CNBD1: variants seen among roughly 807,000 people sequenced by gnomAD.
CNBD1 encodes the protein cyclic nucleotide binding domain containing 1.
A neutral mutation model predicts 54.4 loss-of-function variants in CNBD1; 71 were observed. That is an observed-to-expected ratio of 1.30 (90% CI 1.08 to 1.59). The LOEUF (loss-of-function observed/expected upper bound fraction) is 1.59, where lower values mean the gene tolerates loss of function less well. Among genes scored for constraint, CNBD1 ranks in the 40% most tolerant of loss-of-function variants. The pLI is 0.00. For missense variants in CNBD1, 659 were observed against 518.0 expected, an observed-to-expected ratio of 1.27 and a Z score of -2.64; for synonymous variants, 182 against 170.7, an observed-to-expected ratio of 1.07 and a Z score of -0.51.
chr8:86,970,268 T>A (rs1362483446), intron 4 of CNBD1, among the ~76,000 whole-genome samples: 1 of 152,184 alleles, frequency 6.6e-6, no homozygotes, highest in Non-Finnish European at 1.5e-5. Flanking sequence ...TCCCTACTCC[T>A]TCTGGAATTT....
chr8:87,385,237 G>T (rs372764079), downstream of CNBD1, among the ~76,000 whole-genome samples: 9 of 152,222 alleles, frequency 5.9e-5, no homozygotes, highest in East Asian at 1.6e-3. Flanking sequence ...CTGAGCTACC[G>T]GGTTCATCTC....
At chr8:87,372,015 G>C (rs1021443043) in intron 10 of CNBD1, among the ~76,000 whole-genome samples, 1 of 151,884 alleles carries the variant, frequency 6.6e-6, no homozygotes, top group Non-Finnish European at 1.5e-5. Context: ...AGGAAATAAA[G>C]GGTATTCAAT....
rs550634077 is a variant in CNBD1 at position 87,182,745 on chromosome 8, G to C, written c.432-23248G>C. On this transcript the variant is annotated intron_variant, in intron 4 of 10. Coordinates refer to ENST00000518476, the MANE Select transcript of CNBD1 (RefSeq NM_173538.3). The surrounding 1 kb of genome is among the most constrained non-coding windows in gnomAD (Gnocchi z 4.1). ...TGCCCATTTTTAAATGGGGTTGTTT[G>C]CTTTTGCTTGTTGAATTGTTTAAGT... 1.3e-5 allele frequency among the ~76,000 whole-genome samples: 2 copies of C among 152,136 alleles called. No individual in the cohort carries two copies. Among genetic ancestry groups the C allele is most frequent in the Admixed American group, 6.5e-5 (1 of 15,278 alleles).
chr8:87,428,593 A>C (rs1172944634), exon 3 of CNBD1: 4 of 455,114 alleles, frequency 8.8e-6, no homozygotes, highest in Non-Finnish European at 1.8e-5. Context: ...AGCTAAACCA[A>C]CTTTTGGCCA....
intron 6 of CNBD1, among the ~76,000 whole-genome samples, chr8:87,256,738 C>A (rs1166704700): frequency 6.6e-6 from 1 of 151,290 alleles, no homozygotes; most frequent in Non-Finnish European, 1.5e-5. Context: ...AGGATGTCAT[C>A]TTTTCTTGGG....
At chr8:87,085,852 C>G (rs1436963936) in intron 4 of CNBD1, among the ~76,000 whole-genome samples, 1 of 152,052 alleles carries the variant, frequency 6.6e-6, no homozygotes, top group Non-Finnish European at 1.5e-5. Context: ...AGAGATGGTA[C>G]TTTCTCAGTG....
intron 6 of CNBD1, among the ~76,000 whole-genome samples, chr8:87,243,113 G>A (rs905211038): frequency 6.6e-6 from 1 of 152,136 alleles, no homozygotes; most frequent in African/African-American, 2.4e-5. Context: ...AGCACAACCT[G>A]TATTATTCAA....
At chr8:87,302,187 AAAG>A (rs1256900637) in intron 8 of CNBD1, among the ~76,000 whole-genome samples, 1 of 152,218 alleles carries the variant, frequency 6.6e-6, no homozygotes, top group East Asian at 1.9e-4. Context: ...CACAACAAAA[AAAG>A]AGAATTTTAG....
chr8:87,168,073 CTA>C (rs1813003379), intron 4 of CNBD1, among the ~76,000 whole-genome samples: 1 of 151,930 alleles, frequency 6.6e-6, no homozygotes, highest in Non-Finnish European at 1.5e-5. Context: ...GGGATCACTG[CTA>C]TATGTGTATC....
intron 2 of CNBD1, among the ~76,000 whole-genome samples, chr8:87,427,941 C>G (rs1808077310): frequency 6.6e-6 from 1 of 152,068 alleles, no homozygotes; most frequent in African/African-American, 2.4e-5. Flanking sequence ...ACCAAAGCCC[C>G]CCCAGCATAC....
At chr8:87,256,125 C>T (rs529850270) in intron 6 of CNBD1, among the ~76,000 whole-genome samples, 70 of 144,290 alleles carry the variant, frequency 4.9e-4, no homozygotes, top group Admixed American at 2.5e-3. Flanking sequence ...TGGGTTCAAG[C>T]GATTCTCCTG....
intron 2 of CNBD1, among the ~76,000 whole-genome samples, chr8:87,402,248 C>T (rs1586080645): frequency 6.6e-6 from 1 of 151,926 alleles, no homozygotes; most frequent in Non-Finnish European, 1.5e-5. Flanking sequence ...CCACCGGGTC[C>T]CTCCCAAAAC....
chr8:87,113,691 G>A (rs572782460), intron 4 of CNBD1, among the ~76,000 whole-genome samples: 20 of 152,236 alleles, frequency 1.3e-4, no homozygotes, highest in African/African-American at 3.6e-4. Context: ...AGGCCCAGGC[G>A]GGCGGATCAT....
At chr8:87,298,075 A>G (rs1039472022) in intron 8 of CNBD1, among the ~76,000 whole-genome samples, 2 of 151,974 alleles carry the variant, frequency 1.3e-5, no homozygotes, top group Non-Finnish European at 2.9e-5. Context: ...ACATCAGGAA[A>G]CAATATTTAC....
intron 2 of CNBD1, among the ~76,000 whole-genome samples, chr8:87,393,407 G>A (rs1396976452): frequency 6.6e-6 from 1 of 151,812 alleles, no homozygotes; most frequent in Admixed American, 6.6e-5. Context: ...ATAAAGATCA[G>A]GATTTGAAAG....
At chr8:86,944,183 G>A (rs947531766) in intron 4 of CNBD1, among the ~76,000 whole-genome samples, 3 of 152,100 alleles carry the variant, frequency 2.0e-5, no homozygotes, top group Admixed American at 6.5e-5. Context: ...TAAAATCTAG[G>A]AACTGAAACA....
intron 8 of CNBD1, among the ~76,000 whole-genome samples, chr8:87,327,610 C>A (rs1416625601): frequency 6.6e-6 from 1 of 152,212 alleles, no homozygotes; most frequent in African/African-American, 2.4e-5. Context: ...AAAGGGAACT[C>A]CCTGACCCCT....
At chr8:87,427,224 CAT>C (rs926154588) in intron 2 of CNBD1, among the ~76,000 whole-genome samples, 2 of 152,058 alleles carry the variant, frequency 1.3e-5, no homozygotes, top group Non-Finnish European at 2.9e-5. Flanking sequence ...TCCTTTGAAA[CAT>C]ACATCTTTTG....
At chr8:87,287,108 G>A (rs1447174829) in intron 8 of CNBD1, among the ~76,000 whole-genome samples, 1 of 152,074 alleles carries the variant, frequency 6.6e-6, no homozygotes, top group Non-Finnish European at 1.5e-5. Context: ...TATTAGCCAT[G>A]GAAAAAAATA....
Sources: allele counts gnomAD v4.1 joint callset (sites outside exome capture counted in the v4.1 genomes callset), GRCh38; gene constraint gnomAD v4.1.1; non-coding constraint Gnocchi (gnomAD v3.1); transcripts MANE v1.5; gene names NCBI Gene and HGNC (gene_info 2026-07-23, HGNC 2026-07-21).